The following ZNF765 variants were observed in gnomAD, a reference collection of about 807,000 sequenced individuals.
The protein encoded by ZNF765 is zinc finger protein 765.
In ZNF765, 37 loss-of-function variants were observed where a neutral mutation model predicts 44.7. The observed-to-expected ratio is 0.83, with a 90% CI of 0.64 to 1.09. The LOEUF is 1.09. Ranked by LOEUF, ZNF765 falls within the 50% of genes least tolerant of loss-of-function variation. ZNF765 has a pLI of 0.00. For synonymous variants in ZNF765, 201 were observed against 213.7 expected (o/e 0.94, Z 0.52); for missense variants, 594 against 626.1 (o/e 0.95, Z 0.55).
downstream of ZNF765, among the ~76,000 whole-genome samples, chr19:53,414,256 A>AAAAAC (rs1265300820): frequency 1.4e-5 from 2 of 145,024 alleles, no homozygotes; most frequent in African/African-American, 2.7e-5. Flanking sequence ...AAAAAAAAAG[A>AAAAAC]AACTTGCAGC....
intron 2 of ZNF765, among the ~76,000 whole-genome samples, chr19:53,398,932 A>G (rs1217808771): frequency 6.6e-6 from 1 of 151,782 alleles, no homozygotes; most frequent in African/African-American, 2.4e-5. Flanking sequence ...TTGTATTTTT[A>G]TTAGTGACGA....
downstream of ZNF765, among the ~76,000 whole-genome samples, chr19:53,415,018 T>G (rs540266212): frequency 3.9e-5 from 6 of 152,276 alleles, no homozygotes; most frequent in South Asian, 1.2e-3. Flanking sequence ...ACACCTGTAA[T>G]CCCAGCACTT....
rs1279501017 is a variant in ZNF765, at chr19:53,411,113, TAA to T, written c.*1988_*1989del. ...ATTGAGTTGAAGCCTTAATTGACATTAAAGTGTTTATGTTAAGAGGACTGGGC... is the reference window on the plus strand; with the variant it reads ...ATTGAGTTGAAGCCTTAATTGACATTAGTGTTTATGTTAAGAGGACTGGGC... On this transcript the variant is annotated 3_prime_UTR_variant, in exon 4 of 4. Coordinates refer to ENST00000396408, the MANE Select transcript of ZNF765 (RefSeq NM_001040185.3). The T allele has an allele frequency of 4.2e-6, 1 of 236,914 alleles. No homozygotes were observed. Among genetic ancestry groups the T allele is most frequent in the African/African-American group, 2.3e-5 (1 of 43,190 alleles). The allele number at this position is 236,914 out of a possible 1,614,324, so 14.7% of individuals were successfully genotyped here.
In ZNF765 at chr19:53,410,274, C is replaced by G. The variant is rs775065189; in HGVS notation, c.*1147C>G. The G allele has an allele frequency of 3.1e-5, 11 of 359,594 alleles. No homozygotes were observed. The highest frequency in any genetic ancestry group is 4.5e-5 in the Non-Finnish European group (8 of 177,186). 22.3% of individuals were successfully genotyped at this position (359,594 alleles called of 1,614,324 possible). Reference sequence around the variant, plus strand: ...AACGTTACAAATGTGAAGCATGTGACAAAGTTTACAGTCGCAAATCAAGCC... The same window carrying G: ...AACGTTACAAATGTGAAGCATGTGAGAAAGTTTACAGTCGCAAATCAAGCC... On this transcript the variant is annotated 3_prime_UTR_variant, in exon 4 of 4. Transcript: ENST00000396408.
At chr19:53,421,804 A>C (rs6509758) in intron 3 of ZNF765, among the ~76,000 whole-genome samples, 1 of 152,012 alleles carries the variant, frequency 6.6e-6, no homozygotes, top group Admixed American at 6.5e-5. Context: ...ATGAGCCACC[A>C]CGCCCAGCCA....
Position 53,401,511 on chromosome 19 carries a change from C to T in ZNF765, c.16-554C>T, listed in dbSNP as rs529273141. Among the ~76,000 whole-genome samples, 42 of 150,522 alleles carry T rather than the reference C, an allele frequency of 2.8e-4. 1 individual carries two copies. In the East Asian group the frequency reaches 7.8e-3, roughly 28 times the overall value. On this transcript the variant is annotated intron_variant, in intron 2 of 3. Transcript: ENST00000396408. ...CGGGGAGGCGGAGCTTGCAGTGAGC[C>T]GAGATCGCGCCACTGTACTCCAGCC...
At position 53,400,620 on chromosome 19, in the gene ZNF765, C is replaced by G. The variant is rs1451656861; in HGVS notation, c.16-1445C>G. Among the ~76,000 whole-genome samples, 7 of 151,928 alleles carry G rather than the reference C, an allele frequency of 4.6e-5. No homozygotes were observed. The East Asian group carries it at 1.4e-3, about 29-fold the overall frequency. On this transcript the variant is annotated intron_variant, in intron 2 of 3. Coordinates refer to ENST00000396408, the MANE Select transcript of ZNF765 (RefSeq NM_001040185.3). Reference sequence around the variant, plus strand: ...CCCACACACACAATATACACATACACATATACATATACATACATATACACA... The same window carrying G: ...CCCACACACACAATATACACATACAGATATACATATACATACATATACACA...
intron 2 of ZNF765, among the ~76,000 whole-genome samples, chr19:53,400,073 A>C (rs367802134): frequency 6.6e-6 from 1 of 152,134 alleles, no homozygotes; most frequent in Non-Finnish European, 1.5e-5. Flanking sequence ...CAGCCACTCA[A>C]AGTGGTGGGA....
chr19:53,416,369 G>A (rs2085875171), downstream of ZNF765, among the ~76,000 whole-genome samples: 1 of 152,230 alleles, frequency 6.6e-6, no homozygotes, highest in African/African-American at 2.4e-5. Context: ...TCGCACCAAT[G>A]TACTCCCACC....
chr19:53,421,179 C>T (rs1205863448), intron 3 of ZNF765, among the ~76,000 whole-genome samples: 2 of 152,220 alleles, frequency 1.3e-5, no homozygotes, highest in Admixed American at 6.5e-5. Flanking sequence ...CATCAAAGCA[C>T]AGCACCTTTC....
intron 3 of ZNF765, among the ~76,000 whole-genome samples, chr19:53,403,637 AGT>A (rs1208633785): frequency 1.3e-5 from 2 of 152,194 alleles, no homozygotes; most frequent in Admixed American, 6.5e-5. Flanking sequence ...TGAGGTCAGG[AGT>A]TCAAAACCAG....
chr19:53,398,734 CTATTA>C (rs2085694469), intron 2 of ZNF765, among the ~76,000 whole-genome samples: 3 of 152,074 alleles, frequency 2.0e-5, no homozygotes, highest in South Asian at 2.1e-4. Context: ...ATTATCAGTA[CTATTA>C]TATTATGATA....
At chr19:53,395,993 T>TG (rs201612114) in intron 1 of ZNF765, among the ~76,000 whole-genome samples, 1 of 99,808 alleles carries the variant, frequency 1.0e-5, no homozygotes, top group African/African-American at 3.2e-5. Context: ...ACAGCAAATG[T>TG]GGGGGAAAAA....
At chr19:53,413,990 C>T (rs2085853407), downstream of ZNF765, among the ~76,000 whole-genome samples, 3 of 143,302 alleles carry the variant, frequency 2.1e-5, no homozygotes, top group African/African-American at 7.6e-5. Flanking sequence ...CCGCTAATCC[C>T]ACCACGTTGG....
downstream of ZNF765, among the ~76,000 whole-genome samples, chr19:53,416,663 A>G (rs548709753): frequency 4.6e-4 from 70 of 150,870 alleles, no homozygotes; most frequent in African/African-American, 1.6e-3. Flanking sequence ...GTAATACTCT[A>G]TTTTACATAG....
intron 3 of ZNF765, among the ~76,000 whole-genome samples, chr19:53,419,095 GTAGTT>G (rs1464085557): frequency 5.3e-5 from 8 of 152,038 alleles, no homozygotes; most frequent in African/African-American, 1.9e-4. Flanking sequence ...AGCTCCTAAT[GTAGTT>G]TAGTTTAATC....
intron 3 of ZNF765, among the ~76,000 whole-genome samples, chr19:53,402,563 A>G (rs2085738152): frequency 6.6e-6 from 1 of 151,698 alleles, no homozygotes; most frequent in East Asian, 1.9e-4. Context: ...CCCGGCCTAT[A>G]TTTTCTCTTG....
At chr19:53,405,309 C>T (rs1047410844) in intron 3 of ZNF765, among the ~76,000 whole-genome samples, 1 of 151,986 alleles carries the variant, frequency 6.6e-6, no homozygotes, top group Non-Finnish European at 1.5e-5. Context: ...CCAAGATTGC[C>T]CCACTACACT....
chr19:53,420,400 A>C (rs1016655627), intron 3 of ZNF765, among the ~76,000 whole-genome samples: 3 of 152,214 alleles, frequency 2.0e-5, no homozygotes, highest in Non-Finnish European at 4.4e-5. Flanking sequence ...CAAATGCACA[A>C]GATTCCATGC....
Sources: gnomAD v4.1 joint callset for allele counts (sites outside exome capture counted in the v4.1 genomes callset) on GRCh38, gnomAD v4.1.1 for gene constraint, MANE v1.5 for transcripts, NCBI Gene and HGNC (gene_info 2026-07-23, HGNC 2026-07-21) for gene names.